Variants in TBC1D22A observed in about 807,000 individuals in gnomAD.
The protein encoded by TBC1D22A is TBC1 domain family member 22A.
TBC1D22A carries 38 observed loss-of-function variants against 60.2 expected under a neutral mutation model. That is an observed-to-expected ratio of 0.63 (90% CI 0.49 to 0.83). The LOEUF (loss-of-function observed/expected upper bound fraction) is 0.83, where lower values mean the gene tolerates loss of function less well. Among genes scored for constraint, TBC1D22A ranks in the 40% least tolerant of loss-of-function variants. The probability of loss-of-function intolerance (pLI) is 0.00; values close to 1 mark genes in which losing one functional copy is unlikely to be tolerated. For synonymous variants in TBC1D22A, 302 were observed against 281.7 expected (o/e 1.07, Z -0.72); for missense variants, 628 against 701.0 (o/e 0.90, Z 1.18).
At chr22:46,819,002 A>C (rs2085716025) in intron 4 of TBC1D22A, among the ~76,000 whole-genome samples, 1 of 152,156 alleles carries the variant, frequency 6.6e-6, no homozygotes, top group African/African-American at 2.4e-5. Context: ...GCAATTGTGA[A>C]TGTGAGTTCA....
At chr22:46,974,106 G>A (rs1414706351) in intron 8 of TBC1D22A, among the ~76,000 whole-genome samples, 184 bp from the exon 9 acceptor site, 1 of 152,174 alleles carries the variant, frequency 6.6e-6, no homozygotes, top group Non-Finnish European at 1.5e-5. Context: ...AACTAATTAG[G>A]TGTTAAGATT....
chr22:46,778,437 T>C (rs1285973588), intron 1 of TBC1D22A, among the ~76,000 whole-genome samples: 3 of 152,166 alleles, frequency 2.0e-5, no homozygotes, highest in African/African-American at 7.2e-5. Context: ...TAAGCTTTTT[T>C]CTCTTTTTAA....
Position 47,132,242 on chromosome 22 carries a change from G to A in TBC1D22A, c.1425+20639G>A, listed in dbSNP as rs373327306. Among the ~76,000 whole-genome samples, 5 of 152,264 alleles carry A rather than the reference G, an allele frequency of 3.3e-5. No individual in the cohort carries two copies. The East Asian group carries it at 7.7e-4, about 24-fold the overall frequency. ...CCCCCGAGTCTTGGTCGTCAGGCCTGGCGGTTGCACCCCATGTTCCTGAGC... is the reference window on the plus strand; with the variant it reads ...CCCCCGAGTCTTGGTCGTCAGGCCTAGCGGTTGCACCCCATGTTCCTGAGC... On this transcript the variant is annotated intron_variant, in intron 12 of 12. Coordinates refer to ENST00000337137, the MANE Select transcript of TBC1D22A (RefSeq NM_014346.5).
chr22:46,847,495 C>A (rs2087055896), intron 4 of TBC1D22A, among the ~76,000 whole-genome samples: 1 of 152,206 alleles, frequency 6.6e-6, no homozygotes, highest in African/African-American at 2.4e-5. Flanking sequence ...TGAGAATGAT[C>A]ATTGTTACGC....
intron 4 of TBC1D22A, among the ~76,000 whole-genome samples, chr22:46,839,015 G>A (rs1054025245): frequency 6.6e-6 from 1 of 152,116 alleles, no homozygotes; most frequent in African/African-American, 2.4e-5. Flanking sequence ...CAATTAGACA[G>A]TAAAAAGAAA....
chr22:47,154,981 A>T (rs574845679), intron 12 of TBC1D22A, among the ~76,000 whole-genome samples: 24 of 152,316 alleles, frequency 1.6e-4, no homozygotes, highest in African/African-American at 5.8e-4. Context: ...CGGCATCTCC[A>T]GGGATGACGT....
chr22:47,074,204 C>T (rs537891431), intron 11 of TBC1D22A, among the ~76,000 whole-genome samples: 6 of 152,340 alleles, frequency 3.9e-5, no homozygotes, highest in Admixed American at 1.3e-4. Flanking sequence ...GTGGACGATG[C>T]GTGTCCTAAT....
chr22:46,856,178 C>T (rs566191138), intron 4 of TBC1D22A, among the ~76,000 whole-genome samples: 6 of 152,310 alleles, frequency 3.9e-5, no homozygotes, highest in African/African-American at 1.4e-4. Flanking sequence ...GATGCCAGGG[C>T]CCTACCCGAA....
intron 12 of TBC1D22A, among the ~76,000 whole-genome samples, chr22:47,144,242 C>G (rs2067211879): frequency 6.6e-6 from 1 of 152,202 alleles, no homozygotes; most frequent in Non-Finnish European, 1.5e-5. Context: ...CTTGGGCTGC[C>G]AAGACCTGTG....
intron 4 of TBC1D22A, among the ~76,000 whole-genome samples, chr22:46,835,847 T>C (rs1021837385): frequency 5.9e-5 from 9 of 152,166 alleles, no homozygotes; most frequent in African/African-American, 1.2e-4. Flanking sequence ...GAAAAGCAAC[T>C]TGTCATATAC....
At chr22:47,121,472 AATTAC>A (rs1370125305) in intron 12 of TBC1D22A, among the ~76,000 whole-genome samples, 1 of 152,190 alleles carries the variant, frequency 6.6e-6, no homozygotes, top group Non-Finnish European at 1.5e-5. Context: ...AACTACCAAA[AATTAC>A]ATCTTCAAGT....
At chr22:47,122,248 G>A (rs1032269850) in intron 12 of TBC1D22A, among the ~76,000 whole-genome samples, 1 of 152,200 alleles carries the variant, frequency 6.6e-6, no homozygotes, top group African/African-American at 2.4e-5. Flanking sequence ...TGCACAAAGT[G>A]CCATTGAGGC....
chr22:47,042,725 G>C (rs1010719883), intron 11 of TBC1D22A, among the ~76,000 whole-genome samples: 1 of 152,254 alleles, frequency 6.6e-6, no homozygotes, highest in African/African-American at 2.4e-5. Flanking sequence ...GGGCCACACA[G>C]ACCCCTGCGG....
At chr22:46,939,843 G>A (rs2071878988) in intron 8 of TBC1D22A, among the ~76,000 whole-genome samples, 1 of 152,224 alleles carries the variant, frequency 6.6e-6, no homozygotes, top group Non-Finnish European at 1.5e-5. Context: ...AGAACCCAAA[G>A]CAGTGACAAG....
At chr22:47,087,345 T>A (rs1331783901) in intron 11 of TBC1D22A, among the ~76,000 whole-genome samples, 2 of 152,262 alleles carry the variant, frequency 1.3e-5, no homozygotes, top group African/African-American at 4.8e-5. Flanking sequence ...CTTTGAATCA[T>A]GTATTGCTTT....
At chr22:46,976,065 A>G (rs563385118) in intron 9 of TBC1D22A, among the ~76,000 whole-genome samples, 6 of 152,342 alleles carry the variant, frequency 3.9e-5, no homozygotes, top group African/African-American at 1.4e-4. Flanking sequence ...CCCCCTTAGA[A>G]AAAGGATTGA....
At chr22:46,786,966 G>A (rs1013755862) in intron 1 of TBC1D22A, among the ~76,000 whole-genome samples, 15 of 152,150 alleles carry the variant, frequency 9.9e-5, no homozygotes, top group African/African-American at 2.7e-4. Flanking sequence ...GATTACAAAC[G>A]TGAGCCAGTG....
chr22:46,774,255 T>TC (rs1239323068), intron 1 of TBC1D22A: 4 of 985,274 alleles, frequency 4.1e-6, no homozygotes, highest in Non-Finnish European at 4.8e-6. Context: ...TTGTTCTAGG[T>TC]CCCCCCTGGT....
chr22:46,897,640 G>GTTTTTTTGTTTTTTTTTTTTTTT (rs1569189469), intron 7 of TBC1D22A, among the ~76,000 whole-genome samples: 6 of 108,408 alleles, frequency 5.5e-5, no homozygotes, highest in African/African-American at 2.1e-4. Flanking sequence ...GTTTCGTTTT[G>GTTTTTTTGTTTTTTTTTTTTTTT]TTTTTTTTTG....
Sources: allele counts gnomAD v4.1 joint callset (sites outside exome capture counted in the v4.1 genomes callset), GRCh38; gene constraint gnomAD v4.1.1; transcripts MANE v1.5; gene names NCBI Gene and HGNC (gene_info 2026-07-23, HGNC 2026-07-21).